The following CSTPP1 variants were observed in gnomAD, a reference collection of about 807,000 sequenced individuals.
CSTPP1 encodes UPF0705 protein C11orf49.
chr11:46,958,141 T>C, the CSTPP1 span, among the ~76,000 whole-genome samples: 1 of 152,190 alleles, frequency 6.6e-6, no homozygotes, highest in Non-Finnish European at 1.5e-5. Flanking sequence ...TATTTTCTCC[T>C]TGTGATTTTC....
At chr11:47,007,853 T>C in the CSTPP1 span, among the ~76,000 whole-genome samples, 3 of 152,238 alleles carry the variant, frequency 2.0e-5, no homozygotes, top group Admixed American at 6.5e-5. Flanking sequence ...GATTTGAATA[T>C]AGATTTACAT....
the CSTPP1 span, among the ~76,000 whole-genome samples, chr11:47,129,342 T>C: frequency 2.6e-4 from 39 of 152,298 alleles, 1 homozygote; most frequent in South Asian, 8.1e-3. Flanking sequence ...CTGCTCTACA[T>C]TCTAGTGTCC....
chr11:47,040,649 C>T, the CSTPP1 span, among the ~76,000 whole-genome samples: 50 of 126,648 alleles, frequency 3.9e-4, 2 homozygotes, highest in African/African-American at 1.2e-3. Context: ...CCCCTCGACC[C>T]CGGCAATCTC....
At chr11:47,116,274 G>A in the CSTPP1 span, among the ~76,000 whole-genome samples, 1 of 152,220 alleles carries the variant, frequency 6.6e-6, no homozygotes, top group African/African-American at 2.4e-5. Context: ...ATGTGATGCT[G>A]AGAAGAATGT....
the CSTPP1 span, among the ~76,000 whole-genome samples, chr11:47,005,934 G>A: frequency 2.8e-4 from 43 of 152,048 alleles, no homozygotes; most frequent in East Asian, 3.5e-3. Context: ...GAGTGCCTAC[G>A]TCTTAGCGTT....
At chr11:46,957,363 C>A in the CSTPP1 span, among the ~76,000 whole-genome samples, 1 of 152,038 alleles carries the variant, frequency 6.6e-6, no homozygotes, top group African/African-American at 2.4e-5. Flanking sequence ...AGATTGCATC[C>A]TCTAGTAGCT....
chr11:47,055,787 T>C, the CSTPP1 span, among the ~76,000 whole-genome samples: 1 of 152,210 alleles, frequency 6.6e-6, no homozygotes, highest in South Asian at 2.1e-4. Context: ...AGATCATGCA[T>C]CTCCATTACA....
chr11:47,154,454 C>T, the CSTPP1 span: 51,746 of 152,036 alleles, frequency 0.34, 9,294 homozygotes, highest in East Asian at 0.71. Context: ...ATGAGTCAGA[C>T]GGTTTTCTTC....
the CSTPP1 span, among the ~76,000 whole-genome samples, chr11:47,005,331 A>G: frequency 6.6e-6 from 1 of 152,228 alleles, no homozygotes; most frequent in Non-Finnish European, 1.5e-5. Context: ...AAGTATTGTT[A>G]TAGAGCTTCA....
the CSTPP1 span, among the ~76,000 whole-genome samples, chr11:46,949,232 A>C: frequency 6.6e-6 from 1 of 152,362 alleles, no homozygotes; most frequent in South Asian, 2.1e-4. Flanking sequence ...ATATACGTCT[A>C]GTATCTTAAG....
chr11:47,146,115 C>A, the CSTPP1 span, among the ~76,000 whole-genome samples: 1 of 152,040 alleles, frequency 6.6e-6, no homozygotes, highest in Non-Finnish European at 1.5e-5. Flanking sequence ...GTAATCCCAG[C>A]ACTTTGGGAG....
chr11:47,044,582 A>G, the CSTPP1 span, among the ~76,000 whole-genome samples: 1 of 152,200 alleles, frequency 6.6e-6, no homozygotes, highest in Non-Finnish European at 1.5e-5. Flanking sequence ...TGTATATCTA[A>G]TAGGAAACAG....
chr11:46,986,374 T>C, the CSTPP1 span, among the ~76,000 whole-genome samples: 11 of 151,878 alleles, frequency 7.2e-5, no homozygotes, highest in Non-Finnish European at 1.5e-4. Context: ...TAATAACTTA[T>C]ATATACACCA....
the CSTPP1 span, among the ~76,000 whole-genome samples, chr11:47,034,633 T>TG: frequency 6.6e-6 from 1 of 152,062 alleles, no homozygotes; most frequent in African/African-American, 2.4e-5. Context: ...CTTTAGTAGC[T>TG]GGGACTACAG....
the CSTPP1 span, among the ~76,000 whole-genome samples, chr11:47,031,680 G>C: frequency 2.0e-5 from 3 of 150,214 alleles, no homozygotes; most frequent in African/African-American, 4.9e-5. Context: ...CTGAGCAACA[G>C]AGAAAAACCC....
the CSTPP1 span, among the ~76,000 whole-genome samples, chr11:47,010,252 G>A: frequency 2.0e-5 from 3 of 152,188 alleles, no homozygotes; most frequent in Admixed American, 1.3e-4. Context: ...GCAAAAAGAG[G>A]AAAGTGGATG....
At chr11:47,039,065 G>A in the CSTPP1 span, among the ~76,000 whole-genome samples, 1 of 125,986 alleles carries the variant, frequency 7.9e-6, no homozygotes, top group Admixed American at 8.4e-5. Context: ...AGACTGGGCA[G>A]CCAGGCAGAG....
At chr11:47,006,217 T>G in the CSTPP1 span, among the ~76,000 whole-genome samples, 1 of 152,204 alleles carries the variant, frequency 6.6e-6, no homozygotes, top group East Asian at 1.9e-4. Flanking sequence ...TACGTCTTAT[T>G]TACATTTTCA....
At chr11:46,944,017 T>A in the CSTPP1 span, among the ~76,000 whole-genome samples, 1 of 150,894 alleles carries the variant, frequency 6.6e-6, no homozygotes, top group South Asian at 2.1e-4. Flanking sequence ...TGAGACCCTT[T>A]CTCAAAAAAT....
Sources: allele counts gnomAD v4.1 joint callset (sites outside exome capture counted in the v4.1 genomes callset), GRCh38; gene constraint gnomAD v4.1.1; transcripts MANE v1.5; gene names NCBI Gene and HGNC (gene_info 2026-07-23, HGNC 2026-07-21).